The following TRABD2B variants were observed in gnomAD, a reference collection of about 807,000 sequenced individuals.
TRABD2B encodes the protein metalloprotease TIKI2.
A neutral mutation model predicts 40.1 loss-of-function variants in TRABD2B; 14 were observed. The observed-to-expected ratio is 0.35, with a 90% CI of 0.23 to 0.55. The LOEUF (loss-of-function observed/expected upper bound fraction) is 0.55. Among genes scored for constraint, TRABD2B ranks in the 20% least tolerant of loss-of-function variants. The probability of loss-of-function intolerance (pLI) is 0.90; values close to 1 mark genes in which losing one functional copy is unlikely to be tolerated. For missense variants in TRABD2B, 541 were observed against 648.6 expected, an observed-to-expected ratio of 0.83 and a Z score of 1.80; for synonymous variants, 263 against 277.0, an observed-to-expected ratio of 0.95 and a Z score of 0.50.
At position 47,991,269 on chromosome 1, in the gene TRABD2B, G is replaced by A. The variant is rs546650960; in HGVS notation, c.666+2765C>T. Among the ~76,000 whole-genome samples, 3 of 152,220 alleles carry A rather than the reference G, an allele frequency of 2.0e-5. No individual in the cohort carries two copies. The East Asian group carries it at 5.8e-4, about 30-fold the overall frequency. On this transcript the variant is annotated intron_variant, in intron 2 of 6. Transcript: ENST00000606738. ...GGTTGTTATGAGAATTCAATGCAGTGGAAAAGCGTGTGGAGCCTCCTGCAG... is the reference window on the plus strand; with the variant it reads ...GGTTGTTATGAGAATTCAATGCAGTAGAAAAGCGTGTGGAGCCTCCTGCAG...
intron 2 of TRABD2B, among the ~76,000 whole-genome samples, chr1:47,902,178 G>C (rs1644609422): frequency 6.6e-6 from 1 of 152,206 alleles, no homozygotes; most frequent in Non-Finnish European, 1.5e-5. Flanking sequence ...TGGGACACGT[G>C]ATGTGCTCAC....
chr1:47,924,382 C>T (rs1182264675), intron 2 of TRABD2B, among the ~76,000 whole-genome samples: 1 of 152,188 alleles, frequency 6.6e-6, no homozygotes, highest in African/African-American at 2.4e-5. Flanking sequence ...CTGAAAAGCT[C>T]TTCTCCCCAG....
At chr1:47,971,533 G>A (rs1037569912) in intron 2 of TRABD2B, among the ~76,000 whole-genome samples, 4 of 152,032 alleles carry the variant, frequency 2.6e-5, no homozygotes, top group African/African-American at 9.7e-5. Flanking sequence ...TCTACCTTGT[G>A]CCAGGTAGGC....
Position 47,776,273 on chromosome 1 carries a change from T to C in TRABD2B, c.1080-834A>G, listed in dbSNP as rs116257367. On this transcript the variant is annotated intron_variant, in intron 5 of 6. Coordinates refer to ENST00000606738, the MANE Select transcript of TRABD2B (RefSeq NM_001194986.2). ...AGTGTTAAGTAGTCAGAGCTGGAGG[T>C]AGACTGATGTGGGTCCACAGCCCGG... Among the ~76,000 whole-genome samples, 842 of 152,232 alleles carry C rather than the reference T, an allele frequency of 5.5e-3. 4 individuals are homozygous for C. The highest frequency in any genetic ancestry group is 8.5e-3 in the Non-Finnish European group (578 of 68,024).
At chr1:47,971,146 A>T (rs888561060) in intron 2 of TRABD2B, among the ~76,000 whole-genome samples, 7 of 152,234 alleles carry the variant, frequency 4.6e-5, no homozygotes, top group African/African-American at 1.7e-4. Flanking sequence ...TATCATAGGT[A>T]CACATCCTAC....
rs1320559913 is a variant in TRABD2B at position 47,764,481 on chromosome 1, C to T, written c.*1421G>A. ...GGCTAAAGTCTCTCGGAGTCCCTGT[C>T]ACCTGCCTCCCCACTTGGCTGCTGT... On this transcript the variant is annotated 3_prime_UTR_variant, in exon 7 of 7. Transcript: ENST00000606738. 1 of 152,296 alleles carries T rather than the reference C, an allele frequency of 6.6e-6. No homozygotes were observed. The highest frequency in any genetic ancestry group is 2.1e-4 in the South Asian group (1 of 4,820). The allele number at this position is 152,296 out of a possible 1,614,324, so 9.4% of individuals were successfully genotyped here. A position where few individuals can be genotyped will look rare whatever the true frequency, so the allele number is the denominator to read the frequency against.
chr1:47,993,889 C>G, intron 2 of TRABD2B, 145 bp downstream of exon 2: 1 of 809,588 alleles, frequency 1.2e-6, no homozygotes, highest in Non-Finnish European at 1.9e-6. Context: ...CAGGTGCTGC[C>G]TCGCTGCCCA....
chr1:47,976,699 C>T (rs1007895188), intron 2 of TRABD2B, among the ~76,000 whole-genome samples: 3 of 152,072 alleles, frequency 2.0e-5, no homozygotes, highest in Non-Finnish European at 4.4e-5. Context: ...TCTTTGAGCA[C>T]CTGAGGTAGA....
chr1:47,910,723 A>G (rs1445628226), intron 2 of TRABD2B, among the ~76,000 whole-genome samples: 5 of 152,192 alleles, frequency 3.3e-5, no homozygotes, highest in Admixed American at 6.5e-5. Flanking sequence ...GTCTTCCTCT[A>G]TAAAACAGAG....
chr1:47,993,024 A>T (rs573331655), intron 2 of TRABD2B, among the ~76,000 whole-genome samples: 2 of 152,348 alleles, frequency 1.3e-5, no homozygotes, highest in South Asian at 4.1e-4. Flanking sequence ...AGCTTGCAAC[A>T]TCTCCGGAGG....
intron 2 of TRABD2B, among the ~76,000 whole-genome samples, chr1:47,829,664 C>CT (rs925073404): frequency 2.0e-5 from 3 of 152,158 alleles, no homozygotes; most frequent in African/African-American, 7.2e-5. Context: ...ATCCTGTCCC[C>CT]TTCACTTCAC....
intron 2 of TRABD2B, among the ~76,000 whole-genome samples, chr1:47,914,686 C>T (rs978095796): frequency 3.3e-5 from 5 of 152,196 alleles, no homozygotes; most frequent in Non-Finnish European, 5.9e-5. Context: ...TGTCTGGACC[C>T]GGCCCCCTCC....
chr1:47,923,441 C>T lies in TRABD2B; in HGVS notation c.666+70593G>A, dbSNP rs190482489. On this transcript the variant is annotated intron_variant, in intron 2 of 6. Coordinates refer to ENST00000606738, the MANE Select transcript of TRABD2B (RefSeq NM_001194986.2). ...CATGCAGCCAATTTACAGGATGAATCAATGAACCCTGCCCATCCCTGACCA... is the reference window on the plus strand; with the variant it reads ...CATGCAGCCAATTTACAGGATGAATTAATGAACCCTGCCCATCCCTGACCA... Among the ~76,000 whole-genome samples, 5 of 152,304 alleles carry T rather than the reference C, an allele frequency of 3.3e-5. No homozygotes were observed. In the East Asian group the frequency reaches 9.6e-4, roughly 29 times the overall value.
At chr1:47,834,523 A>C (rs1645292129) in intron 2 of TRABD2B, among the ~76,000 whole-genome samples, 1 of 152,066 alleles carries the variant, frequency 6.6e-6, no homozygotes, top group Admixed American at 6.6e-5. Flanking sequence ...GCTAAGGCAG[A>C]GTTGTAAACT....
chr1:47,796,793 C>G (rs1275977143), intron 3 of TRABD2B, among the ~76,000 whole-genome samples: 1 of 152,170 alleles, frequency 6.6e-6, no homozygotes, highest in Non-Finnish European at 1.5e-5. Flanking sequence ...CCTACATACC[C>G]CCTTTGAAAG....
intron 2 of TRABD2B, among the ~76,000 whole-genome samples, chr1:47,846,904 GCTGGGTGCCCT>G (rs1478031747): frequency 2.3e-5 from 2 of 86,688 alleles, no homozygotes; most frequent in Non-Finnish European, 5.4e-5. Context: ...ACAAATGAGG[GCTGGGTGCCCT>G]CTGACCCTCA....
At chr1:47,806,010 C>A (rs1644886995) in intron 2 of TRABD2B, among the ~76,000 whole-genome samples, 1 of 152,110 alleles carries the variant, frequency 6.6e-6, no homozygotes, top group African/African-American at 2.4e-5. Context: ...AGATGGGAAA[C>A]CAAAGAAGCA....
chr1:47,879,432 C>T (rs1016670749), intron 2 of TRABD2B, among the ~76,000 whole-genome samples: 1 of 152,130 alleles, frequency 6.6e-6, no homozygotes, highest in African/African-American at 2.4e-5. Flanking sequence ...ACATGCTGTA[C>T]AGGTTTGTAG....
At chr1:47,808,590 T>C (rs532928200) in intron 2 of TRABD2B, among the ~76,000 whole-genome samples, 2 of 152,270 alleles carry the variant, frequency 1.3e-5, no homozygotes, top group East Asian at 3.9e-4. Flanking sequence ...CCCAATTACA[T>C]GGAGCATTGT....
Sources: allele counts gnomAD v4.1 joint callset (sites outside exome capture counted in the v4.1 genomes callset), GRCh38; gene constraint gnomAD v4.1.1; transcripts MANE v1.5; gene names NCBI Gene and HGNC (gene_info 2026-07-23, HGNC 2026-07-21).